The following TECRL variants were observed in gnomAD, a reference collection of about 807,000 sequenced individuals.
TECRL encodes the protein trans-2,3-enoyl-CoA reductase like.
A neutral mutation model predicts 52.8 loss-of-function variants in TECRL; 63 were observed. That is an observed-to-expected ratio of 1.19 (90% CI 0.97 to 1.47). The LOEUF (loss-of-function observed/expected upper bound fraction) is 1.47, where lower values mean the gene tolerates loss of function less well. Ranked by LOEUF, TECRL falls within the 40% of genes most tolerant of loss-of-function variation. TECRL has a pLI of 0.00. For missense variants in TECRL, 482 were observed against 429.6 expected, an observed-to-expected ratio of 1.12 and a Z score of -1.08; for synonymous variants, 164 against 141.9, an observed-to-expected ratio of 1.16 and a Z score of -1.10.
At chr4:64,357,878 G>T (rs954490914) in intron 2 of TECRL, among the ~76,000 whole-genome samples, 6 of 151,524 alleles carry the variant, frequency 4.0e-5, no homozygotes, top group African/African-American at 1.4e-4. Context: ...AATTCATAAG[G>T]ACATTATATA....
intron 1 of TECRL, among the ~76,000 whole-genome samples, chr4:64,380,807 A>C (rs1722736851): frequency 6.6e-6 from 1 of 152,032 alleles, no homozygotes; most frequent in Non-Finnish European, 1.5e-5. Flanking sequence ...GCTTTGAAGT[A>C]TATTGTAAGT....
intron 2 of TECRL, among the ~76,000 whole-genome samples, chr4:64,356,375 C>T (rs1720771660): frequency 6.6e-6 from 1 of 152,066 alleles, no homozygotes; most frequent in African/African-American, 2.4e-5. Flanking sequence ...TGTCTCTTGC[C>T]TGCCCCTGGG....
intron 1 of TECRL, among the ~76,000 whole-genome samples, chr4:64,380,771 A>G (rs1206693513): frequency 1.3e-5 from 2 of 152,092 alleles, no homozygotes; most frequent in Non-Finnish European, 1.5e-5. Flanking sequence ...TTCTTGTACC[A>G]ATGCAATGCT....
intron 1 of TECRL, among the ~76,000 whole-genome samples, chr4:64,377,535 T>C (rs1454544809): frequency 6.6e-6 from 1 of 152,074 alleles, no homozygotes; most frequent in East Asian, 1.9e-4. Flanking sequence ...GGGAGTTATC[T>C]GAAACCCTAC....
intron 2 of TECRL, among the ~76,000 whole-genome samples, chr4:64,351,616 G>T (rs1720393931): frequency 6.6e-6 from 1 of 151,970 alleles, no homozygotes; most frequent in Admixed American, 6.6e-5. Context: ...TAATAGAAAT[G>T]ATAAATAAGG....
intron 10 of TECRL, 38 bp downstream of exon 10, chr4:64,281,436 G>A (rs141415641): frequency 7.3e-4 from 907 of 1,234,498 alleles, no homozygotes; most frequent in Non-Finnish European, 8.9e-4. Context: ...AGTATATCAT[G>A]AATAGGATTC....
intron 2 of TECRL, among the ~76,000 whole-genome samples, chr4:64,337,369 G>C (rs1719177993): frequency 6.6e-6 from 1 of 152,136 alleles, no homozygotes; most frequent in Admixed American, 6.5e-5. Context: ...ACTGGCACAA[G>C]ACAGGAATGC....
At chr4:64,345,928 A>AAAAAAAAAAAAAAAG (rs1719941786) in intron 2 of TECRL, among the ~76,000 whole-genome samples, 1 of 147,286 alleles carries the variant, frequency 6.8e-6, no homozygotes, top group Non-Finnish European at 1.5e-5. Flanking sequence ...AAAAAAAAAA[A>AAAAAAAAAAAAAAAG]AAACATTTAT....
chr4:64,294,139 A>C (rs952404417), intron 8 of TECRL, among the ~76,000 whole-genome samples: 6 of 151,684 alleles, frequency 4.0e-5, no homozygotes, highest in Non-Finnish European at 4.4e-5. Context: ...GGTGCATGCC[A>C]CCACGCCCAG....
At chr4:64,302,951 A>C (rs1182325543) in intron 7 of TECRL, among the ~76,000 whole-genome samples, 1 of 151,284 alleles carries the variant, frequency 6.6e-6, no homozygotes, top group Non-Finnish European at 1.5e-5. Context: ...AAGTGTTTTT[A>C]AATATCACCT....
intron 1 of TECRL, among the ~76,000 whole-genome samples, chr4:64,396,139 T>C (rs1723934649): frequency 1.1e-5 from 1 of 87,146 alleles, no homozygotes; most frequent in Non-Finnish European, 2.4e-5. Flanking sequence ...AATATACATG[T>C]GCATGTATTT....
At chr4:64,327,605 T>C (rs1663794454) in intron 3 of TECRL, among the ~76,000 whole-genome samples, 3 of 152,012 alleles carry the variant, frequency 2.0e-5, no homozygotes. Context: ...AAAAATAAAT[T>C]TGAGAGAATC....
At chr4:64,335,182 T>C (rs1207868322) in intron 2 of TECRL, among the ~76,000 whole-genome samples, 1 of 152,182 alleles carries the variant, frequency 6.6e-6, no homozygotes, top group Non-Finnish European at 1.5e-5. Flanking sequence ...GTGGTGGGCA[T>C]GTGAGCAAAG....
At chr4:64,300,355 C>A (rs1034287590) in intron 7 of TECRL, among the ~76,000 whole-genome samples, 1 of 150,782 alleles carries the variant, frequency 6.6e-6, no homozygotes, top group South Asian at 2.1e-4. Flanking sequence ...AAATAACTCT[C>A]ATTTTTAATG....
intron 1 of TECRL, among the ~76,000 whole-genome samples, chr4:64,377,544 A>G (rs976637666): frequency 3.3e-5 from 5 of 152,012 alleles, no homozygotes; most frequent in Admixed American, 3.3e-4. Flanking sequence ...CTGAAACCCT[A>G]CATTTGAAAC....
intron 1 of TECRL, among the ~76,000 whole-genome samples, chr4:64,406,165 C>T (rs73821181): frequency 0.68 from 99,420 of 145,992 alleles, 33,769 homozygotes; most frequent in Non-Finnish European, 0.76. Context: ...CGCGCGCGCG[C>T]GTGTGTGTGT....
At chr4:64,338,787 G>T (rs531500343) in intron 2 of TECRL, among the ~76,000 whole-genome samples, 1 of 152,120 alleles carries the variant, frequency 6.6e-6, no homozygotes, top group Admixed American at 6.6e-5. Context: ...GAAACAACAG[G>T]TGCTGGAGAG....
chr4:64,309,735 A>G, intron 6 of TECRL, 91 bp downstream of exon 6: 1 of 851,108 alleles, frequency 1.2e-6, no homozygotes, highest in Non-Finnish European at 2.0e-6. Context: ...TGAAAATCTA[A>G]GTTTCGGAAG....
In TECRL at chr4:64,380,038, A is replaced by C. The variant is rs1349784155; in HGVS notation, c.235-4815T>G. 2.0e-5 allele frequency among the ~76,000 whole-genome samples: 3 copies of C among 152,026 alleles called. No homozygotes were observed. In the East Asian group the frequency reaches 5.8e-4, roughly 29 times the overall value. On this transcript the variant is annotated intron_variant, in intron 1 of 11. Transcript: ENST00000381210. ...TGATAGTGTATAAGAATTTCCTTTGATCTGCAGCCTCACCAGCATTTGTTT... is the reference window on the plus strand; with the variant it reads ...TGATAGTGTATAAGAATTTCCTTTGCTCTGCAGCCTCACCAGCATTTGTTT...
Sources: allele counts gnomAD v4.1 joint callset (sites outside exome capture counted in the v4.1 genomes callset), GRCh38; gene constraint gnomAD v4.1.1; transcripts MANE v1.5; gene names NCBI Gene and HGNC (gene_info 2026-07-23, HGNC 2026-07-21).